CARMIL2: variants seen among roughly 807,000 people sequenced by gnomAD.
CARMIL2 encodes the protein capping protein regulator and myosin 1 linker 2.
In CARMIL2, 96 loss-of-function variants were observed where a neutral mutation model predicts 173.3. That is an observed-to-expected ratio of 0.55 (90% CI 0.47 to 0.66). CARMIL2 has a LOEUF of 0.66. Ranked by LOEUF, CARMIL2 falls within the 30% of genes least tolerant of loss-of-function variation. CARMIL2 has a pLI of 0.00. For synonymous variants in CARMIL2, 830 were observed against 817.1 expected (o/e 1.02, Z -0.27); for missense variants, 1,771 against 1,906.7 (o/e 0.93, Z 1.33).
At position 67,647,907 on chromosome 16, in the gene CARMIL2, C is replaced by A; in HGVS notation, c.1020C>A (p.His340Gln). Reference sequence around the variant, plus strand: ...CCGCCTTCGACTCCACCCTGACCCACCTGGACCTTTCTGGGAATCCTGGGG... The same window carrying A: ...CCGCCTTCGACTCCACCCTGACCCAACTGGACCTTTCTGGGAATCCTGGGG... ...TNAAFDSTLTHLDLSGNPGAL... is the reference protein window; with the variant it reads ...TNAAFDSTLTQLDLSGNPGAL... Residue 340 changes from histidine (H) to glutamine (Q), a missense_variant, in exon 13 of 38, where the codon CAC (histidine) becomes CAA (glutamine). Physicochemically the swap from His to Gln is conservative, Grantham distance 24. This residue lies in a region of CARMIL2 where 944 missense variants were observed against 975.6 expected (regional missense o/e 0.97). Coordinates refer to ENST00000334583, the MANE Select transcript of CARMIL2 (RefSeq NM_001013838.3). 9 of 1,611,620 alleles carry A rather than the reference C, an allele frequency of 5.6e-6. No homozygotes were observed. The highest frequency in any genetic ancestry group is 7.6e-6 in the Non-Finnish European group (9 of 1,178,864).
Position 67,651,378 on chromosome 16 carries a change from T to A in CARMIL2, c.2314-23T>A. ...TCTTAGTCAGGTGTCAGCTCGCAACTGCTTTTCCTCTTTGGCCCTCAGATT... is the reference window on the plus strand; with the variant it reads ...TCTTAGTCAGGTGTCAGCTCGCAACAGCTTTTCCTCTTTGGCCCTCAGATT... On this transcript the variant is annotated intron_variant, in intron 23 of 37. Transcript: ENST00000334583. This position sits in a 1 kb window ranked among gnomAD's most constrained non-coding sequence, Gnocchi z 4.2. 6.3e-7 allele frequency: 1 copy of A among 1,599,488 alleles called. No individual in the cohort carries two copies. Among genetic ancestry groups the A allele is most frequent in the South Asian group, 1.1e-5 (1 of 90,062 alleles).
At position 67,648,286 on chromosome 16, in the gene CARMIL2, G is replaced by C; in HGVS notation, c.1306G>C (p.Asp436His). The C allele has an allele frequency of 1.3e-6, 2 of 1,594,304 alleles. No homozygotes were observed. The highest frequency in any genetic ancestry group is 2.2e-5 in the South Asian group (2 of 89,694). Residue 436 changes from aspartate to histidine, a missense_variant, in exon 14 of 38, where the codon GAC (aspartate) becomes CAC (histidine). Transcript: ENST00000334583. This position sits in a 1 kb window ranked among gnomAD's most constrained non-coding sequence, Gnocchi z 6.1. Reference protein sequence around the residue: ...RGCCTSLTHLDASRNVFSRTK... With the variant: ...RGCCTSLTHLHASRNVFSRTK... The stretch of plus-strand genomic sequence containing the variant: ...CTGCTGCACCAGCCTTACCCACCTC[G>C]ACGCTTCGAGGAACGTCTTCTCCCG...
chr16:67,646,639 G>C lies in CARMIL2; in HGVS notation c.467-75G>C, dbSNP rs1567626900. 9.5e-6 allele frequency: 15 copies of C among 1,580,194 alleles called. No individual in the cohort carries two copies. The highest frequency in any genetic ancestry group is 3.3e-5 in the Admixed American group (2 of 59,940). The stretch of plus-strand genomic sequence containing the variant: ...TCAGGTCCCAGCCACCACCTAGTCT[G>C]TGGGTCTGGTCTTCCTCCATCGCTG... On this transcript the variant is annotated intron_variant, in intron 6 of 37. Coordinates refer to ENST00000334583, the MANE Select transcript of CARMIL2 (RefSeq NM_001013838.3). This position sits in a 1 kb window ranked among gnomAD's most constrained non-coding sequence, Gnocchi z 4.6.
At chr16:67,654,286 G>GGGAT (rs1208271466) in intron 30 of CARMIL2, 37 bp downstream of exon 30, 1 of 1,575,894 alleles carries the variant, frequency 6.3e-7, no homozygotes, top group Admixed American at 1.8e-5. Context: ...GGGAGAGGGT[G>GGGAT]GGATGCCTGA....
Position 67,654,788 on chromosome 16 carries a change from T to C in CARMIL2, c.3593T>C (p.Leu1198Pro), listed in dbSNP as rs1191125555. Residue 1198 changes from leucine (L) to proline (P), a missense_variant, in exon 32 of 38, where the codon CTG becomes CCG. Leu to Pro is a moderately conservative substitution (Grantham distance 98). Coordinates refer to ENST00000334583, the MANE Select transcript of CARMIL2 (RefSeq NM_001013838.3). ...LGARPDKRRP[L>P]ERGETELAPS... ...CATCTCTGTCCCTAGCGGCGGCCCC[T>C]GGAGCGGGGAGAAACAGAACTGGCT... 5 of 1,613,160 alleles carry C rather than the reference T, an allele frequency of 3.1e-6. No individual in the cohort carries two copies. In the African/African-American group the frequency reaches 6.7e-5, roughly 22 times the overall value.
Position 67,653,152 on chromosome 16 carries a change from C to T in CARMIL2, c.3018C>T (p.Arg1006=). ...GGCCCCCGGCCGGCCCGCTGCCCCG[C>T]ATGGACCTGCCACTGGCGGGGCAGC... ...APGPPAGPLP[R]MDLPLAGQPL... is the part of the protein sequence containing the mutation. Residue 1006 remains arginine, a synonymous_variant, in exon 29 of 38, where the codon CGC becomes CGT. Transcript: ENST00000334583. The surrounding 1 kb of genome is among the most constrained non-coding windows in gnomAD (Gnocchi z 7.4). The T allele has an allele frequency of 9.0e-7, 1 of 1,108,614 alleles. No individual in the cohort carries two copies. 68.7% of individuals were successfully genotyped at this position (1,108,614 alleles called of 1,614,324 possible).
Position 67,645,942 on chromosome 16 carries a change from C to T in CARMIL2, c.187-76C>T, listed in dbSNP as rs1202552758. ...AGTCCAGGCAGATCTGGCTCTGCCC[C>T]AGGCTGCCCAAAGGACTGGACTTCC... On this transcript the variant is annotated intron_variant, in intron 3 of 37. Transcript: ENST00000334583. 3.1e-6 allele frequency: 5 copies of T among 1,594,260 alleles called. No homozygotes were observed. In the East Asian group the frequency reaches 1.1e-4, roughly 36 times the overall value.
rs1426365309 is a variant in CARMIL2 at position 67,654,682 on chromosome 16, G to C, written c.3572G>C (p.Arg1191Thr). The C allele has an allele frequency of 6.3e-7, 1 of 1,592,058 alleles. No homozygotes were observed. The highest frequency in any genetic ancestry group is 8.6e-7 in the Non-Finnish European group (1 of 1,168,024). ...PAEEEATLGARPDKRRPLERG... is the reference protein window; with the variant it reads ...PAEEEATLGATPDKRRPLERG... ...GAGGAGGAGGCAACGCTGGGTGCCAGACCCGACAAGGTGAGGCTTGCTGAT... is the reference window on the plus strand; with the variant it reads ...GAGGAGGAGGCAACGCTGGGTGCCACACCCGACAAGGTGAGGCTTGCTGAT... The change falls in exon 31 of 38, where the codon AGA becomes ACA. Residue 1191 changes from arginine (R) to threonine (T), a missense_variant. This residue lies in a region of CARMIL2 where 817 missense variants were observed against 903.5 expected (regional missense o/e 0.90). Coordinates refer to ENST00000334583, the MANE Select transcript of CARMIL2 (RefSeq NM_001013838.3).
Position 67,645,260 on chromosome 16 carries a change from C to G in CARMIL2, c.14C>G (p.Pro5Arg), listed in dbSNP as rs1431755256. Residue 5 changes from proline to arginine, a missense_variant, in exon 1 of 38, where the codon CCC becomes CGC. Pro to Arg is a moderately radical substitution (Grantham distance 103, BLOSUM62 -2). Coordinates refer to ENST00000334583, the MANE Select transcript of CARMIL2 (RefSeq NM_001013838.3). The part of the protein sequence containing the change: MAQT[P>R]DGISCELRGE... The stretch of plus-strand genomic sequence containing the variant: ...CCCGCCCGGCCCATGGCCCAGACCC[C>G]CGACGGCATCTCCTGTGAGCTCCGA... 18 of 1,602,434 alleles carry G rather than the reference C, an allele frequency of 1.1e-5. No individual in the cohort carries two copies. Among genetic ancestry groups the G allele is most frequent in the Non-Finnish European group, 1.1e-5 (13 of 1,175,430 alleles).
chr16:67,651,164 G>C lies in CARMIL2; in HGVS notation c.2185-23G>C. The C allele has an allele frequency of 6.2e-7, 1 of 1,609,182 alleles. No individual in the cohort carries two copies. The highest frequency in any genetic ancestry group is 1.3e-5 in the African/African-American group (1 of 74,964). ...GGAGACTGGGAGGGGGCTAGGCTGAGACTGATCCCCATTTCGCCCCAGGAA... is the reference window on the plus strand; with the variant it reads ...GGAGACTGGGAGGGGGCTAGGCTGACACTGATCCCCATTTCGCCCCAGGAA... On this transcript the variant is annotated intron_variant, in intron 22 of 37. Coordinates refer to ENST00000334583, the MANE Select transcript of CARMIL2 (RefSeq NM_001013838.3). The surrounding 1 kb of genome is among the most constrained non-coding windows in gnomAD (Gnocchi z 4.2).
rs765420743 is a variant in CARMIL2, at chr16:67,657,380, C to G, written c.4196-26C>G. ...CTGCTTAGCCCAGCCCTGACCCTTC[C>G]TCTCTCTCCCTCCCTCCCCTCACAG... is the stretch of plus-strand genomic sequence containing the variant. On this transcript the variant is annotated intron_variant, in intron 37 of 37. Coordinates refer to ENST00000334583, the MANE Select transcript of CARMIL2 (RefSeq NM_001013838.3). This position sits in a 1 kb window ranked among gnomAD's most constrained non-coding sequence, Gnocchi z 4.5. 1.2e-6 allele frequency: 2 copies of G among 1,604,160 alleles called. No homozygotes were observed. The highest frequency in any genetic ancestry group is 2.2e-5 in the South Asian group (2 of 89,950).
At position 67,646,418 on chromosome 16, in the gene CARMIL2, C is replaced by T. The variant is rs367959789; in HGVS notation, c.375-8C>T. Reference sequence around the variant, plus strand: ...TCCTTTGCCCCCTTCTCCTTAACCCCCTACCAGGAAGCTATTCCGGAGGCC... The same window carrying T: ...TCCTTTGCCCCCTTCTCCTTAACCCTCTACCAGGAAGCTATTCCGGAGGCC... On this transcript the variant is annotated splice_polypyrimidine_tract_variant and splice_region_variant and intron_variant, in intron 5 of 37. Transcript: ENST00000334583. This position sits in a 1 kb window ranked among gnomAD's most constrained non-coding sequence, Gnocchi z 4.6. 11 of 1,613,052 alleles carry T rather than the reference C, an allele frequency of 6.8e-6. No homozygotes were observed. The South Asian group carries it at 1.1e-4, about 16-fold the overall frequency.
In CARMIL2 at chr16:67,648,861, C is replaced by G. The variant is rs753771505; in HGVS notation, c.1510-32C>G. ...CTCCCCACTCGCGGCCTAAGTGGGT[C>G]CCACTTCCCACCTCCCACCTCCCAC... On this transcript the variant is annotated intron_variant, in intron 16 of 37. Transcript: ENST00000334583. The surrounding 1 kb of genome is among the most constrained non-coding windows in gnomAD (Gnocchi z 6.1). 9 of 1,588,068 alleles carry G rather than the reference C, an allele frequency of 5.7e-6. No individual in the cohort carries two copies. The Admixed American group carries it at 1.6e-4, about 28-fold the overall frequency.
At chr16:67,655,779 C>A (rs2052834671) in intron 32 of CARMIL2, among the ~76,000 whole-genome samples, 1 of 152,098 alleles carries the variant, frequency 6.6e-6, no homozygotes, top group African/African-American at 2.4e-5. Flanking sequence ...CCCAAAGAAC[C>A]CCAGCCCTCC....
Position 67,657,001 on chromosome 16 carries a change from A to G in CARMIL2, c.4117+120A>G. 1 of 870,418 alleles carries G rather than the reference A, an allele frequency of 1.1e-6. No homozygotes were observed. The highest frequency in any genetic ancestry group is 1.7e-6 in the Non-Finnish European group (1 of 571,462). 53.9% of individuals were successfully genotyped at this position (870,418 alleles called of 1,614,324 possible). The stretch of plus-strand genomic sequence containing the variant: ...CCACCAGTGTGTGAGGTCTCAAGAA[A>G]TCAGGGAGCCAGAAGACCAGGTGCA... On this transcript the variant is annotated intron_variant, in intron 36 of 37. Transcript: ENST00000334583. The surrounding 1 kb of genome is among the most constrained non-coding windows in gnomAD (Gnocchi z 4.5).
chr16:67,646,353 G>A lies in CARMIL2; in HGVS notation c.374+43G>A. 1 of 1,608,914 alleles carries A rather than the reference G, an allele frequency of 6.2e-7. No homozygotes were observed. The highest frequency in any genetic ancestry group is 8.5e-7 in the Non-Finnish European group (1 of 1,176,584). On this transcript the variant is annotated intron_variant, in intron 5 of 37. Transcript: ENST00000334583. The surrounding 1 kb of genome is among the most constrained non-coding windows in gnomAD (Gnocchi z 4.6). ...CGAGGGGCTGGCAGGGGAGGAGGGAGTGCATGAGAAGGGCTGCTTCCCATC... is the reference window on the plus strand; with the variant it reads ...CGAGGGGCTGGCAGGGGAGGAGGGAATGCATGAGAAGGGCTGCTTCCCATC...
At chr16:67,645,979 G>T in intron 3 of CARMIL2, 39 bp from the exon 4 acceptor site, 2 of 1,612,322 alleles carry the variant, frequency 1.2e-6, no homozygotes, top group Non-Finnish European at 1.7e-6. Context: ...TGAGGGCGGG[G>T]CTGGGGGCTT....
intron 3 of CARMIL2, 21 bp from the exon 4 acceptor site, chr16:67,645,997 G>A: frequency 6.2e-7 from 1 of 1,613,684 alleles, no homozygotes; most frequent in Non-Finnish European, 8.5e-7. Flanking sequence ...CTTGGTCCCA[G>A]CTGATCTAGG....
rs1165270406 is a variant in CARMIL2 at position 67,652,916 on chromosome 16, G to C, written c.2885-103G>C. 1 of 323,028 alleles carries C rather than the reference G, an allele frequency of 3.1e-6. No individual in the cohort carries two copies. The highest frequency in any genetic ancestry group is 4.9e-6 in the Non-Finnish European group (1 of 203,132). 20.0% of individuals were successfully genotyped at this position (323,028 alleles called of 1,614,324 possible). A position where few individuals can be genotyped will look rare whatever the true frequency, so the allele number is the denominator to read the frequency against. ...GGGCGGGGGGACGGGCGGCGTAGCCGGGCCCCTCCCCGCGCCCTGGGCGGG... is the reference window on the plus strand; with the variant it reads ...GGGCGGGGGGACGGGCGGCGTAGCCCGGCCCCTCCCCGCGCCCTGGGCGGG... On this transcript the variant is annotated intron_variant, in intron 28 of 37. Transcript: ENST00000334583. The surrounding 1 kb of genome is among the most constrained non-coding windows in gnomAD (Gnocchi z 4.7).
Sources: gnomAD v4.1 joint callset for allele counts (sites outside exome capture counted in the v4.1 genomes callset) on GRCh38, gnomAD v4.1.1 for gene constraint, gnomAD v4.1.1 regional missense constraint, Gnocchi (gnomAD v3.1) non-coding constraint, MANE v1.5 for transcripts, NCBI Gene and HGNC (gene_info 2026-07-23, HGNC 2026-07-21) for gene names.